ZP2: variants seen among roughly 807,000 people sequenced by gnomAD.
ZP2 encodes the protein zona pellucida sperm-binding protein 2.
A neutral mutation model predicts 84.0 loss-of-function variants in ZP2; 51 were observed. The ratio of observed to expected loss-of-function variants is 0.61; its 90% CI spans 0.49 to 0.77. ZP2 has a LOEUF of 0.77. Ranked by LOEUF, ZP2 falls within the 30% of genes least tolerant of loss-of-function variation. The pLI, the probability that ZP2 is intolerant of heterozygous loss-of-function variation, is 0.00. For synonymous variants in ZP2, 375 were observed against 330.9 expected, an observed-to-expected ratio of 1.13 and a Z score of -1.45; for missense variants, 909 against 911.9, an observed-to-expected ratio of 1.00 and a Z score of 0.04.
At chr16:21,197,680 C>T in intron 18 of ZP2, 58 bp from the exon 19 acceptor site, 1 of 1,613,008 alleles carries the variant, frequency 6.2e-7, no homozygotes, top group Non-Finnish European at 8.5e-7. Context: ...TAAGTGGAAG[C>T]CTTACATAAG....
chr16:21,206,010 TC>T (rs1398148632), intron 5 of ZP2: 2 of 548,078 alleles, frequency 3.6e-6, no homozygotes, highest in Non-Finnish European at 6.6e-6. Context: ...GACACATTTC[TC>T]CCCCCAAGAT....
Position 21,211,329 on chromosome 16 carries a change from C to A in ZP2, c.129G>T (p.Gln43His). The change falls in exon 2 of 19, where the codon CAG becomes CAT. Residue 43 changes from glutamine (Q) to histidine (H), a missense_variant. Transcript: ENST00000574091. ...TACCTGGAAAGGCAGGATTTACCAA[C>A]TGAGAAACATCTATGGAGTTCCCTG... is the stretch of plus-strand genomic sequence containing the variant. ...VTSGNSIDVSQLVNPAFPGTV... is the reference protein window; with the variant it reads ...VTSGNSIDVSHLVNPAFPGTV... 1.2e-6 allele frequency: 2 copies of A among 1,614,140 alleles called. No individual in the cohort carries two copies. The highest frequency in any genetic ancestry group is 1.1e-5 in the South Asian group (1 of 91,080).
chr16:21,207,096 AC>A, intron 4 of ZP2, 106 bp from the exon 5 acceptor site: 1 of 1,339,298 alleles, frequency 7.5e-7, no homozygotes, highest in Non-Finnish European at 1.0e-6. Flanking sequence ...AGTTACTAAT[AC>A]CACAAGTGCT....
Position 21,204,209 on chromosome 16 carries a change from G to T in ZP2, c.793C>A (p.Pro265Thr), listed in dbSNP as rs753003426. ...FSSQAICAPD[P>T]VTCNATHMTL... The stretch of plus-strand genomic sequence containing the variant: ...ATGTGTGTGGCATTGCAGGTCACAG[G>T]ATCTAGAAGGAATGACAACAGAATG... The change falls in exon 9 of 19, where the codon CCT (proline) becomes ACT (threonine). Residue 265 changes from proline (P) to threonine (T), a missense_variant and splice_region_variant. Coordinates refer to ENST00000574091, the MANE Select transcript of ZP2 (RefSeq NM_001376232.1). The T allele has an allele frequency of 3.1e-6, 5 of 1,614,102 alleles. No homozygotes were observed. Among genetic ancestry groups the T allele is most frequent in the Non-Finnish European group, 4.2e-6 (5 of 1,179,998 alleles).
At chr16:21,205,610 G>A in intron 6 of ZP2, 26 bp from the exon 7 acceptor site, 1 of 1,613,556 alleles carries the variant, frequency 6.2e-7, no homozygotes, top group East Asian at 2.2e-5. Flanking sequence ...TTTGTTTAGA[G>A]GGCTGGTGCT....
chr16:21,204,647 C>T, intron 7 of ZP2, among the ~76,000 whole-genome samples: 1 of 152,222 alleles, frequency 6.6e-6, no homozygotes, highest in East Asian at 1.9e-4. Flanking sequence ...CAGATAAGAT[C>T]TGTCCTTACC....
intron 4 of ZP2, among the ~76,000 whole-genome samples, chr16:21,207,626 T>C (rs1191562159): frequency 1.4e-5 from 2 of 147,178 alleles, no homozygotes; most frequent in African/African-American, 5.0e-5. Context: ...CATCTCTATA[T>C]ATATATTAAA....
At chr16:21,208,972 G>A (rs2093262200) in intron 4 of ZP2, among the ~76,000 whole-genome samples, 1 of 152,188 alleles carries the variant, frequency 6.6e-6, no homozygotes, top group Non-Finnish European at 1.5e-5. Flanking sequence ...TCAAGTACTT[G>A]AATGCCAGGG....
chr16:21,203,925 G>C (rs1362510757), intron 9 of ZP2, 105 bp downstream of exon 9: 2 of 1,237,840 alleles, frequency 1.6e-6, no homozygotes, highest in Admixed American at 3.5e-5. Context: ...TGTTATGTTG[G>C]CAATTAGAGC....
At chr16:21,209,814 C>G in intron 3 of ZP2, 89 bp from the exon 4 acceptor site, 1 of 1,190,082 alleles carries the variant, frequency 8.4e-7, no homozygotes, top group Non-Finnish European at 1.3e-6. Context: ...CAGTCCATTT[C>G]TAAGGTACTT....
At chr16:21,213,127 C>T (rs538139107), upstream of ZP2, among the ~76,000 whole-genome samples, 1 of 152,286 alleles carries the variant, frequency 6.6e-6, no homozygotes, top group African/African-American at 2.4e-5. Context: ...TCACTGCAAC[C>T]TCTGCCTCCT....
In ZP2 at chr16:21,206,814, G is replaced by A. The variant is rs148248341; in HGVS notation, c.483+24C>T. 3.4e-5 allele frequency: 55 copies of A among 1,613,774 alleles called. No homozygotes were observed. The Admixed American group carries it at 3.7e-4, about 11-fold the overall frequency. On this transcript the variant is annotated intron_variant, in intron 5 of 18. Transcript: ENST00000574091. ...TCCCCCTGCAGTAGCCATATACCCC[G>A]AGCAGTCAGCCCGTTTCACTCACAG...
chr16:21,203,175 A>G lies in ZP2; in HGVS notation c.1049T>C (p.Val350Ala). 1 of 1,614,048 alleles carries G rather than the reference A, an allele frequency of 6.2e-7. No homozygotes were observed. The highest frequency in any genetic ancestry group is 8.5e-7 in the Non-Finnish European group (1 of 1,179,948). Residue 350 changes from valine (V) to alanine (A), a missense_variant, in exon 10 of 19, where the codon GTA becomes GCA. Val to Ala is a moderately conservative substitution (Grantham distance 64). Coordinates refer to ENST00000574091, the MANE Select transcript of ZP2 (RefSeq NM_001376232.1). ...KLTFLLRPET[V>A]SMVIYPECLC... ...ACACTCAGGATAGATCACCATGGAT[A>G]CTGTCTCTGGCCGAAGGAGAAAGGT...
intron 16 of ZP2, 112 bp from the exon 17 acceptor site, chr16:21,198,974 T>G: frequency 9.9e-7 from 1 of 1,009,796 alleles, no homozygotes; most frequent in Non-Finnish European, 1.5e-6. Flanking sequence ...TCATGTGGTT[T>G]GTCTTGCCTT....
Position 21,201,547 on chromosome 16 carries a change from G to A in ZP2, c.1516C>T (p.Gln506Ter). Reference protein sequence around the residue: ...ILQSYPDNSYQQPYGENEYPL... With the variant: ...ILQSYPDNSY ...TACTCGTTTTCCCCATAAGGTTGTT[G>A]GTAGGAATTATCTGAAATTGAATGG... Residue 506 changes from glutamine (Q) to a stop codon, truncating the protein, a stop_gained, in exon 14 of 19, where the codon CAA (glutamine) becomes TAA (stop). Coordinates refer to ENST00000574091, the MANE Select transcript of ZP2 (RefSeq NM_001376232.1). LOFTEE classifies it high-confidence loss of function. 1 of 1,607,474 alleles carries A rather than the reference G, an allele frequency of 6.2e-7. No individual in the cohort carries two copies. Among genetic ancestry groups the A allele is most frequent in the Non-Finnish European group, 8.5e-7 (1 of 1,176,446 alleles).
Position 21,204,122 on chromosome 16 carries a change from T to C in ZP2, c.880A>G (p.Ile294Val). 6.2e-7 allele frequency: 1 copy of C among 1,614,196 alleles called. No individual in the cohort carries two copies. The highest frequency in any genetic ancestry group is 8.5e-7 in the Non-Finnish European group (1 of 1,180,026). The change falls in exon 9 of 19, where the codon ATT becomes GTT. Residue 294 changes from isoleucine (I) to valine (V), a missense_variant. Transcript: ENST00000574091. The stretch of plus-strand genomic sequence containing the variant: ...TTGTCATGCAGCTGGCTCACATCAA[T>C]GTTCTGGTTTTCAAAGCTCACAGAC... ...LKSVSFENQN[I>V]DVSQLHDNGI...
upstream of ZP2, among the ~76,000 whole-genome samples, chr16:21,213,785 T>C (rs949891872): frequency 2.6e-5 from 4 of 152,106 alleles, no homozygotes; most frequent in East Asian, 3.9e-4. Context: ...AGGATTTCAT[T>C]TTATAGCCAA....
upstream of ZP2, among the ~76,000 whole-genome samples, chr16:21,212,903 C>T (rs1305289639): frequency 1.3e-5 from 2 of 152,196 alleles, no homozygotes; most frequent in African/African-American, 4.8e-5. Flanking sequence ...ACATCTCTCA[C>T]ACTCTTTGAG....
rs1432691386 is a variant in ZP2 at position 21,198,899 on chromosome 16, G to T, written c.1928-37C>A. 3.8e-6 allele frequency: 6 copies of T among 1,580,262 alleles called. No homozygotes were observed. In the Admixed American group the frequency reaches 5.0e-5, roughly 13 times the overall value. ...TGATCAAGTTTGTGTTTGGCCTCTG[G>T]AATAGTGGTTCGAGAGGTGTGTCAA... is the stretch of plus-strand genomic sequence containing the variant. On this transcript the variant is annotated intron_variant, in intron 16 of 18. Transcript: ENST00000574091.
Sources: gnomAD v4.1 joint callset for allele counts (sites outside exome capture counted in the v4.1 genomes callset) on GRCh38, gnomAD v4.1.1 for gene constraint, MANE v1.5 for transcripts, NCBI Gene and HGNC (gene_info 2026-07-23, HGNC 2026-07-21) for gene names.